Variants in MAP2K5 observed in about 807,000 individuals in gnomAD.
The protein encoded by MAP2K5 is dual specificity mitogen-activated protein kinase kinase 5.
A neutral mutation model predicts 83.1 loss-of-function variants in MAP2K5; 49 were observed. The observed-to-expected ratio is 0.59, with a 90% CI of 0.47 to 0.75. The LOEUF (loss-of-function observed/expected upper bound fraction) is 0.75. Among genes scored for constraint, MAP2K5 ranks in the 30% least tolerant of loss-of-function variants. The probability of loss-of-function intolerance (pLI) is 0.00; values close to 1 mark genes in which losing one functional copy is unlikely to be tolerated. For missense variants in MAP2K5, 457 were observed against 557.5 expected (o/e 0.82, Z 1.82); for synonymous variants, 202 against 191.8 (o/e 1.05, Z -0.44).
chr15:67,806,037 C>T (rs769039930), intron 21 of MAP2K5, among the ~76,000 whole-genome samples: 17 of 152,198 alleles, frequency 1.1e-4, no homozygotes, highest in Non-Finnish European at 2.4e-4. Context: ...CCGGCCCCTC[C>T]AGAGTCCAGC....
rs958688310 is a variant in MAP2K5 at position 67,562,249 on chromosome 15, T to C, written c.185-1034T>C. 3.3e-5 allele frequency among the ~76,000 whole-genome samples: 5 copies of C among 152,200 alleles called. No homozygotes were observed. Among genetic ancestry groups the C allele is most frequent in the African/African-American group, 1.2e-4 (5 of 41,442 alleles). On this transcript the variant is annotated intron_variant, in intron 2 of 21. Transcript: ENST00000178640. This position sits in a 1 kb window ranked among gnomAD's most constrained non-coding sequence, Gnocchi z 4.1. ...TGTCCTCACTGTTGACAAATCTTTA[T>C]AGAAGGATGAAGAGTTAACTATATA...
rs2088901804 is a variant in MAP2K5, at chr15:67,719,464, T to C, written c.1045-8452T>C. On this transcript the variant is annotated intron_variant, in intron 16 of 21. Transcript: ENST00000178640. This position sits in a 1 kb window ranked among gnomAD's most constrained non-coding sequence, Gnocchi z 4.6. ...TGATGTCATGGAGAACATAAAAGTT[T>C]ATGATTTATACTTTGCCCTTAAACA... Among the ~76,000 whole-genome samples the C allele has an allele frequency of 6.6e-6, 1 of 152,230 alleles. No homozygotes were observed. The highest frequency in any genetic ancestry group is 1.5e-5 in the Non-Finnish European group (1 of 68,036).
In MAP2K5 at chr15:67,775,405, C is replaced by CTGCTG. The variant is rs2090219845; in HGVS notation, c.1242+2656_1242+2660dup. Among the ~76,000 whole-genome samples the CTGCTG allele has an allele frequency of 6.6e-6, 1 of 152,218 alleles. No individual in the cohort carries two copies. Among genetic ancestry groups the CTGCTG allele is most frequent in the East Asian group, 1.9e-4 (1 of 5,206 alleles). ...TTGGGGAGGCCAGGATACGTTTCAGCTGCTGTGGTTTTCTGGCATGTAGCC... is the reference window on the plus strand; with the variant it reads ...TTGGGGAGGCCAGGATACGTTTCAGCTGCTGTGCTGTGGTTTTCTGGCATGTAGCC... On this transcript the variant is annotated intron_variant, in intron 21 of 21. Transcript: ENST00000178640. The surrounding 1 kb of genome is among the most constrained non-coding windows in gnomAD (Gnocchi z 5.3).
Position 67,573,066 on chromosome 15 carries a change from C to T in MAP2K5, c.253-7688C>T, listed in dbSNP as rs529138417. Among the ~76,000 whole-genome samples the T allele has an allele frequency of 4.6e-5, 7 of 152,082 alleles. No homozygotes were observed. Among genetic ancestry groups the T allele is most frequent in the Non-Finnish European group, 1.0e-4 (7 of 68,014 alleles). On this transcript the variant is annotated intron_variant, in intron 3 of 21. Transcript: ENST00000178640. This position sits in a 1 kb window ranked among gnomAD's most constrained non-coding sequence, Gnocchi z 4.2. ...AAGATATTAGGGTATCAGGACATTC[C>T]TGAACCTGGGTATGTTTAGTAAACG...
chr15:67,616,880 A>G (rs1210070857), intron 8 of MAP2K5, among the ~76,000 whole-genome samples: 1 of 152,150 alleles, frequency 6.6e-6, no homozygotes, highest in African/African-American at 2.4e-5. Flanking sequence ...AATTGATAAC[A>G]CTCTATAAAT....
At chr15:67,697,604 A>G (rs1019511280) in intron 15 of MAP2K5, among the ~76,000 whole-genome samples, 1 of 152,240 alleles carries the variant, frequency 6.6e-6, no homozygotes, top group African/African-American at 2.4e-5. Context: ...ACAGTGCCAG[A>G]TGAATGAATT....
At chr15:67,566,409 C>A (rs1194706812) in intron 3 of MAP2K5, among the ~76,000 whole-genome samples, 1 of 152,114 alleles carries the variant, frequency 6.6e-6, no homozygotes, top group Non-Finnish European at 1.5e-5. Context: ...CTCCTGATCT[C>A]AAGTGATCCG....
Position 67,707,767 on chromosome 15 carries a change from G to C in MAP2K5, c.1044+4359G>C, listed in dbSNP as rs140456739. 2.0e-5 allele frequency among the ~76,000 whole-genome samples: 3 copies of C among 152,104 alleles called. No individual in the cohort carries two copies. The East Asian group carries it at 5.8e-4, about 29-fold the overall frequency. ...CAGACTTTGCCACTAGGAGAAAGAG[G>C]GAAAAGATAGAGGATCTCTTCCCCA... On this transcript the variant is annotated intron_variant, in intron 16 of 21. Coordinates refer to ENST00000178640, the MANE Select transcript of MAP2K5 (RefSeq NM_145160.3).
Position 67,640,183 on chromosome 15 carries a change from C to T in MAP2K5, c.586-6048C>T, listed in dbSNP as rs901313738. Among the ~76,000 whole-genome samples, 6 of 152,106 alleles carry T rather than the reference C, an allele frequency of 3.9e-5. No homozygotes were observed. Among genetic ancestry groups the T allele is most frequent in the South Asian group, 4.1e-4 (2 of 4,822 alleles). ...GTATAGTACAAAGCATTACACATAACGAGTAAGTGTTCAATACATAATTTG... is the reference window on the plus strand; with the variant it reads ...GTATAGTACAAAGCATTACACATAATGAGTAAGTGTTCAATACATAATTTG... On this transcript the variant is annotated intron_variant, in intron 9 of 21. Coordinates refer to ENST00000178640, the MANE Select transcript of MAP2K5 (RefSeq NM_145160.3). This position sits in a 1 kb window ranked among gnomAD's most constrained non-coding sequence, Gnocchi z 4.6.
intron 3 of MAP2K5, among the ~76,000 whole-genome samples, chr15:67,570,739 C>CT (rs927506208): frequency 5.9e-5 from 9 of 152,166 alleles, no homozygotes; most frequent in African/African-American, 2.2e-4. Context: ...ACTGGGAAAA[C>CT]TAACAAATTA....
intron 19 of MAP2K5, among the ~76,000 whole-genome samples, chr15:67,752,606 A>C (rs1212399624): frequency 6.6e-6 from 1 of 151,376 alleles, no homozygotes; most frequent in East Asian, 2.0e-4. Context: ...TGAACCCAGG[A>C]GGTGGAGGTT....
chr15:67,609,034 G>T (rs560985380), intron 8 of MAP2K5, among the ~76,000 whole-genome samples: 51 of 152,266 alleles, frequency 3.3e-4, no homozygotes, highest in African/African-American at 1.2e-3. Flanking sequence ...TCTGGGAAGT[G>T]GTGAACTCCT....
chr15:67,558,860 T>A (rs892746902), intron 2 of MAP2K5, among the ~76,000 whole-genome samples: 2 of 152,238 alleles, frequency 1.3e-5, no homozygotes, highest in African/African-American at 4.8e-5. Flanking sequence ...CAGGATTTTG[T>A]TTGTTTTTTC....
intron 19 of MAP2K5, among the ~76,000 whole-genome samples, chr15:67,763,606 G>A (rs7171429): frequency 0.89 from 135,181 of 152,134 alleles, 60,141 homozygotes; most frequent in Middle Eastern, 0.92. Context: ...GGAGATCCTT[G>A]GAGGTGAGGG....
intron 3 of MAP2K5, among the ~76,000 whole-genome samples, chr15:67,575,460 C>T (rs570559144): frequency 6.6e-6 from 1 of 152,244 alleles, no homozygotes; most frequent in East Asian, 1.9e-4. Flanking sequence ...CTTCACACTG[C>T]TTCGCCAGCC....
chr15:67,629,996 C>T (rs752938999), intron 8 of MAP2K5, among the ~76,000 whole-genome samples: 1 of 152,096 alleles, frequency 6.6e-6, no homozygotes, highest in African/African-American at 2.4e-5. Context: ...CTAGCACTTT[C>T]GTAGACTGAG....
At chr15:67,610,361 T>TC (rs1490167884) in intron 8 of MAP2K5, among the ~76,000 whole-genome samples, 1 of 152,144 alleles carries the variant, frequency 6.6e-6, no homozygotes, top group Non-Finnish European at 1.5e-5. Context: ...AATAATTGAA[T>TC]CCCTGGATTA....
At chr15:67,784,249 A>G (rs540114396) in intron 21 of MAP2K5, among the ~76,000 whole-genome samples, 1 of 152,374 alleles carries the variant, frequency 6.6e-6, no homozygotes, top group South Asian at 2.1e-4. Context: ...GGAAAAACAC[A>G]GGACTGTCCT....
In MAP2K5 at chr15:67,658,869, G is replaced by A. The variant is rs894088042; in HGVS notation, c.798+255G>A. 1.8e-5 allele frequency: 9 copies of A among 508,204 alleles called. No individual in the cohort carries two copies. The East Asian group carries it at 1.8e-4, about 10-fold the overall frequency. 31.5% of individuals were successfully genotyped at this position (508,204 alleles called of 1,614,324 possible). On this transcript the variant is annotated intron_variant, in intron 12 of 21. Transcript: ENST00000178640. ...GGGACCTTGGTATTCTTGTTGACTC[G>A]TAAAATTTCCAACTTCTTCTGAAAA...
Sources: allele counts gnomAD v4.1 joint callset (sites outside exome capture counted in the v4.1 genomes callset), GRCh38; gene constraint gnomAD v4.1.1; non-coding constraint Gnocchi (gnomAD v3.1); transcripts MANE v1.5; gene names NCBI Gene and HGNC (gene_info 2026-07-23, HGNC 2026-07-21).